Variants in ADCY1 observed in about 807,000 individuals in gnomAD.
ADCY1 encodes the protein adenylate cyclase 1, also known as adenylate cyclase type 1.
In ADCY1, 28 loss-of-function variants were observed where a neutral mutation model predicts 105.4. That is an observed-to-expected ratio of 0.27 (90% CI 0.20 to 0.36). The LOEUF is 0.36. Ranked by LOEUF, ADCY1 falls within the 10% of genes least tolerant of loss-of-function variation. ADCY1 has a pLI of 1.00. For missense variants in ADCY1, 977 were observed against 1,434.2 expected, an observed-to-expected ratio of 0.68 and a Z score of 5.15; for synonymous variants, 655 against 623.8, an observed-to-expected ratio of 1.05 and a Z score of -0.75.
intron 1 of ADCY1, among the ~76,000 whole-genome samples, chr7:45,588,569 G>T (rs887643258): frequency 1.3e-5 from 2 of 152,220 alleles, no homozygotes; most frequent in African/African-American, 4.8e-5. Flanking sequence ...GTGCCTCAGA[G>T]TCTAACCTGC....
rs1281420671 is a variant in ADCY1, at chr7:45,660,109, G to A, written c.1375G>A (p.Gly459Arg). The change falls in exon 7 of 20, where the codon GGA becomes AGA. Residue 459 changes from glycine (G) to arginine (R), a missense_variant. By Grantham distance (125) the Gly-to-Arg change is moderately radical. Coordinates refer to ENST00000297323, the MANE Select transcript of ADCY1 (RefSeq NM_021116.4). ...GGACTACGAGGTAGAACCGGGTTAC[G>A]GACATGAGAGGAACAGTTTCTTGAA... The part of the protein sequence containing the change: ...NGDYEVEPGY[G>R]HERNSFLKTH... 6.2e-7 allele frequency: 1 copy of A among 1,614,068 alleles called. No individual in the cohort carries two copies.
At chr7:45,631,421 T>C (rs1794256414) in intron 4 of ADCY1, among the ~76,000 whole-genome samples, 1 of 152,256 alleles carries the variant, frequency 6.6e-6, no homozygotes, top group South Asian at 2.1e-4. Context: ...TAATCACTGG[T>C]ACGGGCATAT....
At chr7:45,619,145 T>G (rs147379907) in intron 3 of ADCY1, among the ~76,000 whole-genome samples, 77 of 152,302 alleles carry the variant, frequency 5.1e-4, no homozygotes, top group African/African-American at 1.8e-3. Flanking sequence ...CACTTTTATA[T>G]GGAAGCTAAA....
chr7:45,711,798 T>C (rs1785244367), intron 19 of ADCY1, among the ~76,000 whole-genome samples: 1 of 119,794 alleles, frequency 8.3e-6, no homozygotes, highest in African/African-American at 3.0e-5. Context: ...TAAATATATA[T>C]ACTTATACTT....
chr7:45,634,486 A>G (rs528977533), intron 4 of ADCY1, among the ~76,000 whole-genome samples: 1 of 140,904 alleles, frequency 7.1e-6, no homozygotes, highest in East Asian at 2.1e-4. Context: ...TTTTGCATCT[A>G]TTGGAAGGAT....
chr7:45,651,851 G>A (rs553903861), intron 5 of ADCY1, among the ~76,000 whole-genome samples: 1 of 152,358 alleles, frequency 6.6e-6, no homozygotes, highest in Non-Finnish European at 1.5e-5. Context: ...AAGGCCCACA[G>A]AGAGGTCTGT....
Position 45,574,617 on chromosome 7 carries a change from C to T in ADCY1, c.74C>T (p.Ala25Val). ...AGEPGGAERA[A>V]GTSRRRGLRA... ...GAGCCCGGGGGCGCCGAGCGGGCGG[C>T]CGGGACAAGCCGCCGGCGCGGGCTC... Residue 25 changes from alanine (A) to valine (V), a missense_variant, in exon 1 of 20, where the codon GCC (alanine) becomes GTC (valine). Ala to Val is a moderately conservative substitution (Grantham distance 64, BLOSUM62 0). Coordinates refer to ENST00000297323, the MANE Select transcript of ADCY1 (RefSeq NM_021116.4). The surrounding 1 kb of genome is among the most constrained non-coding windows in gnomAD (Gnocchi z 7.0). The T allele has an allele frequency of 1.7e-6, 2 of 1,167,544 alleles. No individual in the cohort carries two copies. Among genetic ancestry groups the T allele is most frequent in the Non-Finnish European group, 2.1e-6 (2 of 947,816 alleles). 72.3% of individuals were successfully genotyped at this position (1,167,544 alleles called of 1,614,324 possible).
At chr7:45,696,455 A>G (rs1472539898) in intron 14 of ADCY1, among the ~76,000 whole-genome samples, 1 of 151,794 alleles carries the variant, frequency 6.6e-6, no homozygotes, top group East Asian at 1.9e-4. Context: ...AAAAAAAAAA[A>G]AAAAAGGAAA....
intron 4 of ADCY1, among the ~76,000 whole-genome samples, chr7:45,630,265 T>C (rs775893788): frequency 3.0e-4 from 45 of 152,264 alleles, no homozygotes; most frequent in Admixed American, 2.0e-3. Context: ...TTAGTGTTTA[T>C]GAAGTCCAGT....
chr7:45,654,992 G>A (rs1396598511), intron 5 of ADCY1, among the ~76,000 whole-genome samples: 1 of 152,198 alleles, frequency 6.6e-6, no homozygotes, highest in Non-Finnish European at 1.5e-5. Context: ...GCAGGCGTGT[G>A]TGTTGTTGTT....
At position 45,651,042 on chromosome 7, in the gene ADCY1, A is replaced by C. The variant is rs1794795426; in HGVS notation, c.1148+2245A>C. Among the ~76,000 whole-genome samples, 6 of 152,046 alleles carry C rather than the reference A, an allele frequency of 3.9e-5. No individual in the cohort carries two copies. In the South Asian group the frequency reaches 1.2e-3, roughly 32 times the overall value. On this transcript the variant is annotated intron_variant, in intron 5 of 19. Transcript: ENST00000297323. ...TCAGCTCCACATCTCTACCCCTGCT[A>C]CCTGAAACTGGTCTACCCTAGTGCC...
In ADCY1 at chr7:45,685,986, A is replaced by G. The variant is rs1784664613; in HGVS notation, c.2098A>G (p.Ser700Gly). Residue 700 changes from serine (S) to glycine (G), a missense_variant, in exon 13 of 20, where the codon AGC becomes GGC. Physicochemically the swap from Ser to Gly is moderately conservative, Grantham distance 56 (BLOSUM62 0). This residue lies in a region of ADCY1 where 275 missense variants were observed against 362.1 expected (regional missense o/e 0.76). Coordinates refer to ENST00000297323, the MANE Select transcript of ADCY1 (RefSeq NM_021116.4). The part of the protein sequence containing the change: ...CVVGCLPWAW[S>G]SKPNSSLVVL... ...GGTGGGCTGCCTGCCTTGGGCCTGG[A>G]GCTCCAAGCCCAACAGTTCCCTGGT... 6.2e-7 allele frequency: 1 copy of G among 1,613,282 alleles called. No individual in the cohort carries two copies. The highest frequency in any genetic ancestry group is 8.5e-7 in the Non-Finnish European group (1 of 1,179,738).
At position 45,575,550 on chromosome 7, in the gene ADCY1, A is replaced by T. The variant is rs1444984517; in HGVS notation, c.639+368A>T. 6.6e-6 allele frequency among the ~76,000 whole-genome samples: 1 copy of T among 152,250 alleles called. No homozygotes were observed. Among genetic ancestry groups the T allele is most frequent in the Non-Finnish European group, 1.5e-5 (1 of 68,038 alleles). On this transcript the variant is annotated intron_variant, in intron 1 of 19. Transcript: ENST00000297323. This position sits in a 1 kb window ranked among gnomAD's most constrained non-coding sequence, Gnocchi z 4.7. Reference sequence around the variant, plus strand: ...CCCACAGAGGGACTGAAAGTGGGCGAGGAGAGCAGACCCCCAGGGCAAGCT... The same window carrying T: ...CCCACAGAGGGACTGAAAGTGGGCGTGGAGAGCAGACCCCCAGGGCAAGCT...
chr7:45,641,384 G>C (rs1198753891), intron 4 of ADCY1, among the ~76,000 whole-genome samples: 1 of 152,206 alleles, frequency 6.6e-6, no homozygotes, highest in East Asian at 1.9e-4. Context: ...CTGGAGGCCT[G>C]AAGTGAATTC....
intron 8 of ADCY1, among the ~76,000 whole-genome samples, chr7:45,670,904 C>T (rs1206977807): frequency 6.6e-6 from 1 of 152,258 alleles, no homozygotes; most frequent in Non-Finnish European, 1.5e-5. Context: ...CACGTGAACT[C>T]TCAGAACTGT....
At position 45,713,979 on chromosome 7, in the gene ADCY1, C is replaced by T. The variant is rs370102962; in HGVS notation, c.3344C>T (p.Ala1115Val). The change falls in exon 20 of 20, where the codon GCT becomes GTT. Residue 1115 changes from alanine (A) to valine (V), a missense_variant. Around this residue, in one of 7 missense-constraint regions of ADCY1, gnomAD observed 78 missense variants for 60.0 expected, o/e 1.30. Transcript: ENST00000297323. ...GGCCAGTACCTGCCCTCTGCAGCAG[C>T]TGGGAAGGAGGCTTAGTGGAGCCCA... ...SPGQYLPSAA[A>V]GKEA is the part of the protein sequence containing the mutation. The T allele has an allele frequency of 5.2e-6, 4 of 776,552 alleles. No homozygotes were observed. The African/African-American group carries it at 6.8e-5, about 13-fold the overall frequency. 48.1% of individuals were successfully genotyped at this position (776,552 alleles called of 1,614,324 possible). A position where few individuals can be genotyped will look rare whatever the true frequency, so the allele number is the denominator to read the frequency against.
intron 4 of ADCY1, among the ~76,000 whole-genome samples, chr7:45,627,260 G>T (rs1255008391): frequency 6.6e-6 from 1 of 152,188 alleles, no homozygotes; most frequent in African/African-American, 2.4e-5. Flanking sequence ...TCCGAAGCCT[G>T]TCTCCCTAGA....
chr7:45,648,336 G>A (rs1794719724), intron 4 of ADCY1, among the ~76,000 whole-genome samples: 1 of 152,230 alleles, frequency 6.6e-6, no homozygotes, highest in Admixed American at 6.5e-5. Context: ...TGGGGAAGAT[G>A]CCCCATGGAG....
At chr7:45,604,472 A>G (rs1236656751) in intron 2 of ADCY1, among the ~76,000 whole-genome samples, 1 of 152,158 alleles carries the variant, frequency 6.6e-6, no homozygotes, top group Admixed American at 6.5e-5. Flanking sequence ...TTACATTTAA[A>G]TCTATAACGT....
Sources: gnomAD v4.1 joint callset for allele counts (sites outside exome capture counted in the v4.1 genomes callset) on GRCh38, gnomAD v4.1.1 for gene constraint, gnomAD v4.1.1 regional missense constraint, Gnocchi (gnomAD v3.1) non-coding constraint, MANE v1.5 for transcripts, NCBI Gene and HGNC (gene_info 2026-07-23, HGNC 2026-07-21) for gene names.